ZIC4: variants seen among roughly 807,000 people sequenced by gnomAD.
The protein encoded by ZIC4 is zinc finger protein ZIC 4.
In ZIC4, 15 loss-of-function variants were observed where a neutral mutation model predicts 28.8. That is an observed-to-expected ratio of 0.52 (90% confidence interval 0.35 to 0.80). ZIC4 has a LOEUF of 0.80. ZIC4 is among the 30% of genes least tolerant of loss of function. The pLI is 0.01. For missense variants in ZIC4, 512 were observed against 467.1 expected (o/e 1.10, Z -0.89); for synonymous variants, 220 against 198.1 (o/e 1.11, Z -0.93).
intron 3 of ZIC4, chr3:147,392,337 G>A: frequency 1.0e-6 from 1 of 985,692 alleles, no homozygotes; most frequent in Non-Finnish European, 1.2e-6. Context: ...ATCGGTGGCT[G>A]CGATGCCCTG....
chr3:147,404,195 T>C (rs2087227169), intron 1 of ZIC4: 1 of 1,480,872 alleles, frequency 6.8e-7, no homozygotes, highest in Non-Finnish European at 8.9e-7. Flanking sequence ...CTTTTGCTTC[T>C]GGGGGAAATG....
chr3:147,394,833 C>T (rs546453658), intron 3 of ZIC4, among the ~76,000 whole-genome samples: 3 of 152,156 alleles, frequency 2.0e-5, no homozygotes, highest in Admixed American at 6.5e-5. Flanking sequence ...GAACAACTAG[C>T]CTTAGGAAGT....
chr3:147,386,110 T>G lies in ZIC4; in HGVS notation c.*2749A>C, dbSNP rs572203833. On this transcript the variant is annotated 3_prime_UTR_variant, in exon 5 of 5. Transcript: ENST00000383075. ...AAGAAAATAGCCAAATGCAGCGCCATGTACACAAAAGCCTTTGGAGGGAAA... is the reference window on the plus strand; with the variant it reads ...AAGAAAATAGCCAAATGCAGCGCCAGGTACACAAAAGCCTTTGGAGGGAAA... The G allele has an allele frequency of 1.3e-5, 2 of 152,236 alleles. No individual in the cohort carries two copies. The highest frequency in any genetic ancestry group is 2.1e-4 in the South Asian group (1 of 4,834). 9.4% of individuals were successfully genotyped at this position (152,236 alleles called of 1,614,324 possible). A position where few individuals can be genotyped will look rare whatever the true frequency, so the allele number is the denominator to read the frequency against.
Position 147,388,082 on chromosome 3 carries a change from T to C in ZIC4, c.*777A>G, listed in dbSNP as rs2107958461. ...TGCGCCAAAGCCTCCCACATCAGGG[T>C]GCAGAGTGAACCCCTAAACGTGGGC... On this transcript the variant is annotated 3_prime_UTR_variant, in exon 5 of 5. Transcript: ENST00000383075. 6.6e-6 allele frequency: 1 copy of C among 152,670 alleles called. No individual in the cohort carries two copies. Among genetic ancestry groups the C allele is most frequent in the South Asian group, 2.1e-4 (1 of 4,826 alleles). The allele number at this position is 152,670 out of a possible 1,614,324, so 9.5% of individuals were successfully genotyped here.
At chr3:147,405,426 C>T in intron 1 of ZIC4, 1 of 1,537,230 alleles carries the variant, frequency 6.5e-7, no homozygotes, top group Non-Finnish European at 8.7e-7. Context: ...GTGCAACCCT[C>T]CAAAAGCCCC....
chr3:147,401,537 C>T (rs1367114504), intron 2 of ZIC4, among the ~76,000 whole-genome samples: 5 of 152,090 alleles, frequency 3.3e-5, no homozygotes, highest in African/African-American at 1.2e-4. Context: ...TGTTTCTGGC[C>T]AGGTTGCCAC....
intron 3 of ZIC4, 73 bp downstream of exon 3, chr3:147,395,779 C>G: frequency 6.5e-7 from 1 of 1,543,078 alleles, no homozygotes; most frequent in Non-Finnish European, 8.7e-7. Flanking sequence ...TCAGTTGGGA[C>G]TTGAGGAAAT....
At position 147,396,086 on chromosome 3, in the gene ZIC4, G is replaced by T. The variant is rs1237964882; in HGVS notation, c.454C>A (p.His152Asn). ...SLCSKTFSTM[H>N]ELVTHVTVEH... ...ACGGTGACGTGCGTGACCAGCTCGT[G>T]CATGGTGCTGAAAGTTTTGGAGCAG... Residue 152 changes from histidine (H) to asparagine (N), a missense_variant, in exon 3 of 5, where the codon CAC becomes AAC. By Grantham distance (68) the His-to-Asn change is moderately conservative. Transcript: ENST00000383075. The surrounding 1 kb of genome is among the most constrained non-coding windows in gnomAD (Gnocchi z 4.2). 6.8e-6 allele frequency: 11 copies of T among 1,614,236 alleles called. No homozygotes were observed. Among genetic ancestry groups the T allele is most frequent in the Non-Finnish European group, 9.3e-6 (11 of 1,180,056 alleles).
rs1302280957 is a variant in ZIC4 at position 147,402,711 on chromosome 3, G to A, written c.70+17C>T. 6.3e-7 allele frequency: 1 copy of A among 1,586,080 alleles called. No homozygotes were observed. The highest frequency in any genetic ancestry group is 8.6e-7 in the Non-Finnish European group (1 of 1,165,632). On this transcript the variant is annotated intron_variant, in intron 2 of 4. Coordinates refer to ENST00000383075, the MANE Select transcript of ZIC4 (RefSeq NM_032153.6). ...AGAAACCAGCAAACCAATATTCAAAGGAGGATTTTAACTTACTTGACTCTT... is the reference window on the plus strand; with the variant it reads ...AGAAACCAGCAAACCAATATTCAAAAGAGGATTTTAACTTACTTGACTCTT...
chr3:147,396,289 G>T lies in ZIC4; in HGVS notation c.251C>A (p.Ala84Asp), dbSNP rs1253284800. 6.2e-7 allele frequency: 1 copy of T among 1,607,806 alleles called. No homozygotes were observed. Among genetic ancestry groups the T allele is most frequent in the East Asian group, 2.2e-5 (1 of 44,686 alleles). Residue 84 changes from alanine to aspartate, a missense_variant, in exon 3 of 5, where the codon GCC (alanine) becomes GAC (aspartate). Ala to Asp is a moderately radical substitution (Grantham distance 126). Transcript: ENST00000383075. This position sits in a 1 kb window ranked among gnomAD's most constrained non-coding sequence, Gnocchi z 4.2. The stretch of plus-strand genomic sequence containing the variant: ...GGCAGCTGCCAGGGCGTCGCTGCGG[G>T]CCGCAGGCCCTGGCGGGAAGGGCTC... Reference protein sequence around the residue: ...RPEPFPPGPAARSDALAAAAA... With the variant: ...RPEPFPPGPADRSDALAAAAA...
At chr3:147,398,683 T>A (rs1043893414) in intron 2 of ZIC4, among the ~76,000 whole-genome samples, 17 of 151,862 alleles carry the variant, frequency 1.1e-4, no homozygotes, top group African/African-American at 1.7e-4. Context: ...ATAAAAAGTG[T>A]CCCCCAAACA....
chr3:147,392,299 G>C (rs954302771), intron 3 of ZIC4: 2 of 985,648 alleles, frequency 2.0e-6, no homozygotes, highest in Non-Finnish European at 2.4e-6. Context: ...GCCACCAGGC[G>C]GCTGGCATAG....
chr3:147,398,123 A>C (rs2087088566), intron 2 of ZIC4, among the ~76,000 whole-genome samples: 1 of 152,188 alleles, frequency 6.6e-6, no homozygotes, highest in Non-Finnish European at 1.5e-5. Context: ...CCTGCTGGCC[A>C]AAGAAACAAA....
chr3:147,397,691 C>A (rs1260385234), intron 2 of ZIC4, among the ~76,000 whole-genome samples: 2 of 152,142 alleles, frequency 1.3e-5, no homozygotes, highest in African/African-American at 4.8e-5. Context: ...CTGCAGCCTG[C>A]AAGAGGAGGG....
chr3:147,398,899 TA>T (rs1462155722), intron 2 of ZIC4, among the ~76,000 whole-genome samples: 1 of 152,014 alleles, frequency 6.6e-6, no homozygotes, highest in Admixed American at 6.6e-5. Context: ...TTTTTTAAAA[TA>T]ATTAACTGAT....
chr3:147,394,037 T>G (rs766978093), intron 3 of ZIC4: 10 of 450,332 alleles, frequency 2.2e-5, no homozygotes, highest in Non-Finnish European at 3.6e-5. Context: ...AAAAGGCAAT[T>G]ATTTTCCTGT....
At chr3:147,402,893 A>G (rs967946936) in intron 1 of ZIC4, 81 bp from the exon 2 acceptor site, 1 of 1,173,336 alleles carries the variant, frequency 8.5e-7, no homozygotes, top group Non-Finnish European at 1.2e-6. Flanking sequence ...GTTTGAATGT[A>G]TGAATGAAAG....
At chr3:147,393,799 CTGGG>C in intron 3 of ZIC4, 1 of 445,348 alleles carries the variant, frequency 2.2e-6, no homozygotes, top group Non-Finnish European at 4.5e-6. Context: ...TGGAGAGGAG[CTGGG>C]TGGCGGTGGC....
Position 147,388,335 on chromosome 3 carries a change from C to A in ZIC4, c.*524G>T, listed in dbSNP as rs575085744. On this transcript the variant is annotated 3_prime_UTR_variant, in exon 5 of 5. Coordinates refer to ENST00000383075, the MANE Select transcript of ZIC4 (RefSeq NM_032153.6). ...CCCAAAACCCGACTCTTTGAACAAC[C>A]CGAGCTTGATTAGACCTTTCTCCTT... The A allele has an allele frequency of 1.5e-3, 238 of 154,406 alleles. No individual in the cohort carries two copies. Among genetic ancestry groups the A allele is most frequent in the African/African-American group, 5.5e-3 (228 of 41,576 alleles). The allele number at this position is 154,406 out of a possible 1,614,324, so 9.6% of individuals were successfully genotyped here.
Sources: allele counts gnomAD v4.1 joint callset (sites outside exome capture counted in the v4.1 genomes callset), GRCh38; gene constraint gnomAD v4.1.1; non-coding constraint Gnocchi (gnomAD v3.1); transcripts MANE v1.5; gene names NCBI Gene and HGNC (gene_info 2026-07-23, HGNC 2026-07-21).